Variants in FMNL2 observed in about 807,000 individuals in gnomAD.
FMNL2 encodes the protein formin like 2, also known as formin-like protein 2.
FMNL2 carries 51 observed loss-of-function variants against 130.2 expected under a neutral mutation model. The observed-to-expected ratio is 0.39, with a 90% CI of 0.31 to 0.49. The LOEUF is 0.49. Among genes scored for constraint, FMNL2 ranks in the 20% least tolerant of loss-of-function variants. The pLI, the probability that FMNL2 is intolerant of heterozygous loss-of-function variation, is 0.85. For missense variants in FMNL2, 977 were observed against 1,316.2 expected, an observed-to-expected ratio of 0.74 and a Z score of 3.99; for synonymous variants, 465 against 467.1, an observed-to-expected ratio of 1.00 and a Z score of 0.06.
chr2:152,612,039 G>A (rs929940604), intron 11 of FMNL2, among the ~76,000 whole-genome samples: 1 of 152,146 alleles, frequency 6.6e-6, no homozygotes, highest in Non-Finnish European at 1.5e-5. Flanking sequence ...AAAATAATGA[G>A]GAAATGGACA....
intron 9 of FMNL2, among the ~76,000 whole-genome samples, chr2:152,593,171 A>C (rs1697527982): frequency 6.6e-6 from 1 of 152,332 alleles, no homozygotes; most frequent in Non-Finnish European, 1.5e-5. Context: ...AGAACAAAAC[A>C]TGGCAAGAGG....
At chr2:152,394,065 C>G (rs996450506) in intron 1 of FMNL2, among the ~76,000 whole-genome samples, 1 of 152,016 alleles carries the variant, frequency 6.6e-6, no homozygotes, top group African/African-American at 2.4e-5. Flanking sequence ...GATGATAACT[C>G]ATTTAATTTA....
Position 152,625,556 on chromosome 2 carries a change from T to C in FMNL2, c.1956T>C (p.Ile652=), listed in dbSNP as rs1393738543. The change falls in exon 16 of 26, where the codon ATT becomes ATC. Residue 652 remains isoleucine (I), a synonymous_variant. Transcript: ENST00000288670. ...TCAATGAAATTGATGATGAGCGAAT[T>C]CTGGAGGTATTTTTCTCATTGGTTA... The part of the protein sequence containing the change: ...TVFNEIDDER[I]LEDLNVDEFE... 3.1e-6 allele frequency: 5 copies of C among 1,602,850 alleles called. No homozygotes were observed. In the African/African-American group the frequency reaches 6.7e-5, roughly 21 times the overall value.
At chr2:152,349,170 G>T (rs1301827874) in intron 1 of FMNL2, among the ~76,000 whole-genome samples, 1 of 152,146 alleles carries the variant, frequency 6.6e-6, no homozygotes, top group Non-Finnish European at 1.5e-5. Context: ...GACAAATAGG[G>T]CATGAGACTG....
rs139322536 is a variant in FMNL2 at position 152,561,575 on chromosome 2, CTTT to C, written c.596+553_596+555del. The stretch of plus-strand genomic sequence containing the variant: ...GATTAGATATGCTTCACTTGTCAAC[CTTT>C]TTTTTTTTTTTTGAGATGGAATCTC... On this transcript the variant is annotated intron_variant, in intron 6 of 25. Transcript: ENST00000288670. 2.5e-3 allele frequency among the ~76,000 whole-genome samples: 354 copies of C among 140,206 alleles called. 1 individual carries two copies. The highest frequency in any genetic ancestry group is 5.2e-3 in the South Asian group (23 of 4,444). The allele number at this position is 140,206 out of a possible 152,430, so 92.0% of individuals were successfully genotyped here. A position where few individuals can be genotyped will look rare whatever the true frequency, so the allele number is the denominator to read the frequency against.
rs142331608 is a variant in FMNL2, at chr2:152,439,697, G to A, written c.118-82246G>A. ...TCCTTTCTTTGCTCTCTTTGATCCT[G>A]AAGACATCAAGGAGGGTGCTGACTC... is the stretch of plus-strand genomic sequence containing the variant. On this transcript the variant is annotated intron_variant, in intron 1 of 25. Transcript: ENST00000288670. Among the ~76,000 whole-genome samples, 507 of 151,314 alleles carry A rather than the reference G, an allele frequency of 3.4e-3. 1 individual carries two copies. The highest frequency in any genetic ancestry group is 0.012 in the African/African-American group (487 of 41,152).
intron 4 of FMNL2, among the ~76,000 whole-genome samples, chr2:152,549,901 C>A (rs1191801850): frequency 6.6e-6 from 1 of 152,152 alleles, no homozygotes; most frequent in Non-Finnish European, 1.5e-5. Flanking sequence ...TTGAGCTTTA[C>A]AATGAGAGGA....
At chr2:152,555,485 G>A (rs530360034) in intron 4 of FMNL2, among the ~76,000 whole-genome samples, 1 of 152,202 alleles carries the variant, frequency 6.6e-6, no homozygotes, top group African/African-American at 2.4e-5. Context: ...TGAAAGCCAG[G>A]AACATCTCTT....
At position 152,420,946 on chromosome 2, in the gene FMNL2, G is replaced by A. The variant is rs534505016; in HGVS notation, c.117+85226G>A. 8.5e-5 allele frequency among the ~76,000 whole-genome samples: 13 copies of A among 152,254 alleles called. No homozygotes were observed. In the South Asian group the frequency reaches 2.5e-3, roughly 29 times the overall value. On this transcript the variant is annotated intron_variant, in intron 1 of 25. Coordinates refer to ENST00000288670, the MANE Select transcript of FMNL2 (RefSeq NM_052905.4). ...TCGGACTCAGATTTGCCTGTTATTCGCCTGAGATGTCTGGCGTTGGTTGCT... is the reference window on the plus strand; with the variant it reads ...TCGGACTCAGATTTGCCTGTTATTCACCTGAGATGTCTGGCGTTGGTTGCT...
intron 10 of FMNL2, among the ~76,000 whole-genome samples, chr2:152,609,561 C>G (rs1284596547): frequency 6.6e-6 from 1 of 151,952 alleles, no homozygotes; most frequent in Non-Finnish European, 1.5e-5. Flanking sequence ...AAATATTTTT[C>G]TAGTTTGTAT....
intron 1 of FMNL2, among the ~76,000 whole-genome samples, chr2:152,423,232 A>G (rs1355347307): frequency 6.6e-6 from 1 of 152,212 alleles, no homozygotes; most frequent in East Asian, 1.9e-4. Context: ...CACTCACCAT[A>G]TGTCAGGCAC....
chr2:152,461,059 T>C (rs973544715), intron 1 of FMNL2, among the ~76,000 whole-genome samples: 1 of 152,022 alleles, frequency 6.6e-6, no homozygotes, highest in Non-Finnish European at 1.5e-5. Flanking sequence ...ACCAGAAAGG[T>C]TGGGGGCTGC....
At chr2:152,393,721 T>C (rs1313376895) in intron 1 of FMNL2, among the ~76,000 whole-genome samples, 1 of 152,268 alleles carries the variant, frequency 6.6e-6, no homozygotes, top group Non-Finnish European at 1.5e-5. Flanking sequence ...TTACTGTTTT[T>C]CATATGCATG....
intron 1 of FMNL2, among the ~76,000 whole-genome samples, chr2:152,470,386 A>C (rs1285592974): frequency 1.3e-5 from 2 of 152,260 alleles, no homozygotes; most frequent in Non-Finnish European, 2.9e-5. Context: ...TCTTCTGAGA[A>C]TATCACTTGA....
At chr2:152,360,306 T>C (rs1463400839) in intron 1 of FMNL2, among the ~76,000 whole-genome samples, 1 of 152,122 alleles carries the variant, frequency 6.6e-6, no homozygotes, top group African/African-American at 2.4e-5. Context: ...TTTTCCTCTC[T>C]TTTTCTTTCT....
chr2:152,528,257 GATAGGGTAACGA>G (rs1362995032), intron 2 of FMNL2, among the ~76,000 whole-genome samples: 33 of 152,272 alleles, frequency 2.2e-4, no homozygotes, highest in African/African-American at 7.5e-4. Flanking sequence ...TGCACCAAAT[GATAGGGTAACGA>G]ATAGATGCTA....
intron 2 of FMNL2, among the ~76,000 whole-genome samples, chr2:152,527,736 T>C (rs1409114006): frequency 6.6e-6 from 1 of 152,170 alleles, no homozygotes; most frequent in Non-Finnish European, 1.5e-5. Context: ...ATATGATCAC[T>C]TCTTTGATCT....
chr2:152,392,435 G>A (rs1685166950), intron 1 of FMNL2, among the ~76,000 whole-genome samples: 1 of 152,140 alleles, frequency 6.6e-6, no homozygotes, highest in Non-Finnish European at 1.5e-5. Context: ...TGTAATGACA[G>A]AATACTTGAG....
intron 7 of FMNL2, 132 bp from the exon 8 acceptor site, chr2:152,578,756 A>G (rs1365197579): frequency 1.7e-5 from 11 of 641,612 alleles, no homozygotes; most frequent in Admixed American, 2.9e-5. Context: ...TACTAGAGAC[A>G]TAAGTGCATT....
Sources: gnomAD v4.1 joint callset for allele counts (sites outside exome capture counted in the v4.1 genomes callset) on GRCh38, gnomAD v4.1.1 for gene constraint, MANE v1.5 for transcripts, NCBI Gene and HGNC (gene_info 2026-07-23, HGNC 2026-07-21) for gene names.